PAK1: variants seen among roughly 807,000 people sequenced by gnomAD.
PAK1 encodes serine/threonine-protein kinase PAK 1.
PAK1 carries 29 observed loss-of-function variants against 67.4 expected under a neutral mutation model. The ratio of observed to expected loss-of-function variants is 0.43; its 90% CI spans 0.32 to 0.59. PAK1 has a LOEUF of 0.59. Ranked by LOEUF, PAK1 falls within the 20% of genes least tolerant of loss-of-function variation. The pLI, the probability that PAK1 is intolerant of heterozygous loss-of-function variation, is 0.07. For missense variants in PAK1, 337 were observed against 670.7 expected (o/e 0.50, Z 5.50); for synonymous variants, 223 against 237.4 (o/e 0.94, Z 0.56).
At chr11:77,433,932 T>C (rs915898107) in intron 1 of PAK1, among the ~76,000 whole-genome samples, 2 of 152,094 alleles carry the variant, frequency 1.3e-5, no homozygotes, top group Non-Finnish European at 2.9e-5. Flanking sequence ...ATCAAAACCA[T>C]ATGAGACAGA....
intron 5 of PAK1, among the ~76,000 whole-genome samples, chr11:77,368,641 C>T (rs1947942063): frequency 1.4e-5 from 2 of 143,276 alleles, no homozygotes; most frequent in African/African-American, 2.7e-5. Context: ...AATCAAATAC[C>T]TGGATAATAA....
intron 1 of PAK1, among the ~76,000 whole-genome samples, chr11:77,421,170 C>A (rs1418043008): frequency 6.6e-6 from 1 of 152,172 alleles, no homozygotes; most frequent in African/African-American, 2.4e-5. Context: ...TGCTACTTCA[C>A]TGACCTTATC....
At chr11:77,429,635 T>C (rs1267491155) in intron 1 of PAK1, among the ~76,000 whole-genome samples, 1 of 152,212 alleles carries the variant, frequency 6.6e-6, no homozygotes, top group African/African-American at 2.4e-5. Flanking sequence ...TTATCTGATA[T>C]TCTACAAAAT....
chr11:77,392,529 C>G lies in PAK1; in HGVS notation c.-9G>C, dbSNP rs753590740. On this transcript the variant is annotated 5_prime_UTR_variant, in exon 2 of 15. Transcript: ENST00000356341. ...AGGCCGTTATTTGACATTGTCACCA[C>G]CAGCAGCAGCTACTAGAATCAGAAA... The G allele has an allele frequency of 1.9e-6, 3 of 1,580,902 alleles. No homozygotes were observed. The highest frequency in any genetic ancestry group is 1.4e-5 in the African/African-American group (1 of 73,846).
At chr11:77,337,201 T>C (rs1232330094) in intron 12 of PAK1, 123 bp downstream of exon 12, 14 of 534,176 alleles carry the variant, frequency 2.6e-5, no homozygotes, top group Non-Finnish European at 3.4e-6. Flanking sequence ...ACAGCCCTCA[T>C]ATCCCATGAA....
the PAK1 span, among the ~76,000 whole-genome samples, chr11:77,491,031 C>G: frequency 6.6e-6 from 1 of 151,726 alleles, no homozygotes; most frequent in Non-Finnish European, 1.5e-5. Context: ...AACCAGAGAC[C>G]TTTGTTCACT....
intron 1 of PAK1, among the ~76,000 whole-genome samples, chr11:77,451,070 T>A (rs1956830695): frequency 6.6e-6 from 1 of 152,230 alleles, no homozygotes; most frequent in Admixed American, 6.5e-5. Context: ...AGGGAAACCA[T>A]TTGAGAAGAC....
At chr11:77,362,579 G>A (rs576643097) in intron 5 of PAK1, among the ~76,000 whole-genome samples, 1 of 152,304 alleles carries the variant, frequency 6.6e-6, no homozygotes, top group African/African-American at 2.4e-5. Flanking sequence ...TATGAGTTCT[G>A]CGTAAGATAT....
intron 1 of PAK1, among the ~76,000 whole-genome samples, chr11:77,396,584 CATCT>C (rs1951863759): frequency 1.3e-5 from 2 of 152,282 alleles, no homozygotes; most frequent in South Asian, 4.1e-4. Flanking sequence ...AAAAAACTTC[CATCT>C]GTTAGTACTA....
chr11:77,347,279 G>A (rs905030379), intron 9 of PAK1, among the ~76,000 whole-genome samples: 9 of 152,176 alleles, frequency 5.9e-5, no homozygotes, highest in African/African-American at 2.2e-4. Context: ...ATCAAGGACT[G>A]TGAGGCCTGA....
At chr11:77,497,618 A>C in the PAK1 span, among the ~76,000 whole-genome samples, 1 of 152,210 alleles carries the variant, frequency 6.6e-6, no homozygotes, top group African/African-American at 2.4e-5. Flanking sequence ...TATTTCTATC[A>C]AGTGATGAAT....
chr11:77,521,286 TTG>T, the PAK1 span, among the ~76,000 whole-genome samples: 1,611 of 152,196 alleles, frequency 0.011, 33 homozygotes, highest in African/African-American at 0.037. Flanking sequence ...TCCCAGCACT[TTG>T]GGAAGCCAAG....
Position 77,355,809 on chromosome 11 carries a change from C to A in PAK1, c.631G>T (p.Val211Phe). The A allele has an allele frequency of 6.2e-7, 1 of 1,613,632 alleles. No homozygotes were observed. Residue 211 changes from valine to phenylalanine, a missense_variant, in exon 7 of 15, where the codon GTC becomes TTC. Physicochemically the swap from Val to Phe is conservative, Grantham distance 50. Coordinates refer to ENST00000356341, the MANE Select transcript of PAK1 (RefSeq NM_002576.5). Reference protein sequence around the residue: ...YTRSVIEPLPVTPTRDVATSP... With the variant: ...YTRSVIEPLPFTPTRDVATSP... ...GTAGCCACGTCCCGAGTTGGAGTGA[C>A]AGGAAGTGGTTCAATCACAGACCGT... is the stretch of plus-strand genomic sequence containing the variant.
chr11:77,477,576 A>AAAAAAAAAAAC (rs1441142095), upstream of PAK1, among the ~76,000 whole-genome samples: 4 of 150,394 alleles, frequency 2.7e-5, no homozygotes, highest in African/African-American at 7.3e-5. Context: ...ACAAAAAAAA[A>AAAAAAAAAAAC]AAAACCCAAA....
chr11:77,418,163 C>T (rs1032965139), intron 1 of PAK1, among the ~76,000 whole-genome samples: 1 of 152,164 alleles, frequency 6.6e-6, no homozygotes, highest in Non-Finnish European at 1.5e-5. Flanking sequence ...TAAAGTTCAT[C>T]TTCCTTTTTA....
intron 1 of PAK1, among the ~76,000 whole-genome samples, chr11:77,441,079 C>T (rs1360132349): frequency 6.6e-6 from 1 of 152,204 alleles, no homozygotes; most frequent in Admixed American, 6.5e-5. Flanking sequence ...GTACCATACT[C>T]TGCCTTTCAA....
rs1367196639 is a variant in PAK1 at position 77,359,004 on chromosome 11, A to C, written c.491T>G (p.Val164Gly). The stretch of plus-strand genomic sequence containing the variant: ...TGGTGGCACTGCAGGAGTCTCAGAC[A>C]CAGCCTTCACATTCTGTGCAAAGAA... ...NSSNALNVKA[V>G]SETPAVPPVS... The change falls in exon 6 of 15, where the codon GTG becomes GGG. Residue 164 changes from valine (V) to glycine (G), a missense_variant. Around this residue, in one of 8 missense-constraint regions of PAK1, gnomAD observed 150 missense variants for 179.0 expected, o/e 0.84. Coordinates refer to ENST00000356341, the MANE Select transcript of PAK1 (RefSeq NM_002576.5). 1 of 1,613,216 alleles carries C rather than the reference A, an allele frequency of 6.2e-7. No individual in the cohort carries two copies. The highest frequency in any genetic ancestry group is 1.7e-5 in the Admixed American group (1 of 59,888).
chr11:77,352,523 A>C (rs781692822), intron 8 of PAK1, among the ~76,000 whole-genome samples: 1 of 152,162 alleles, frequency 6.6e-6, no homozygotes, highest in African/African-American at 2.4e-5. Context: ...TTGTTTTTTA[A>C]TAAATGTACA....
At chr11:77,348,866 G>A (rs1480175946) in intron 9 of PAK1, among the ~76,000 whole-genome samples, 2 of 152,150 alleles carry the variant, frequency 1.3e-5, no homozygotes, top group Non-Finnish European at 2.9e-5. Context: ...GCTCATGCCT[G>A]TAATCCTAGC....
Sources: gnomAD v4.1 joint callset for allele counts (sites outside exome capture counted in the v4.1 genomes callset) on GRCh38, gnomAD v4.1.1 for gene constraint, gnomAD v4.1.1 regional missense constraint, MANE v1.5 for transcripts, NCBI Gene and HGNC (gene_info 2026-07-23, HGNC 2026-07-21) for gene names.